Variants in ANKHD1 observed in about 807,000 individuals in gnomAD.
The protein encoded by ANKHD1 is ankyrin repeat and KH domain containing 1, also known as ankyrin repeat and KH domain-containing protein 1.
ANKHD1 carries 31 observed loss-of-function variants against 230.5 expected under a neutral mutation model. The ratio of observed to expected loss-of-function variants is 0.13; its 90% CI spans 0.10 to 0.18. ANKHD1 has a LOEUF of 0.18. ANKHD1 is among the 10% of genes least tolerant of loss of function. The pLI is 1.00. For synonymous variants in ANKHD1, 1,074 were observed against 1,117.6 expected (o/e 0.96, Z 0.78); for missense variants, 2,256 against 3,071.3 (o/e 0.73, Z 6.27).
chr5:140,451,934 G>A (rs1217642506), intron 7 of ANKHD1, among the ~76,000 whole-genome samples: 1 of 152,102 alleles, frequency 6.6e-6, no homozygotes. Context: ...GTCACAACAA[G>A]CATTAAGACC....
At chr5:140,539,203 T>C in intron 33 of ANKHD1, 120 bp downstream of exon 33, 1 of 1,514,240 alleles carries the variant, frequency 6.6e-7, no homozygotes. Flanking sequence ...CTGGATTGCT[T>C]TTTCAATATC....
intron 10 of ANKHD1, among the ~76,000 whole-genome samples, chr5:140,468,259 G>A (rs1431345338): frequency 2.8e-5 from 4 of 142,144 alleles, no homozygotes; most frequent in South Asian, 2.2e-4. Context: ...GCAAGACTCC[G>A]TCTCAAAAAA....
At chr5:140,426,500 T>TTTTA (rs3084523) in intron 1 of ANKHD1, among the ~76,000 whole-genome samples, 3,256 of 151,778 alleles carry the variant, frequency 0.021, 150 homozygotes, top group East Asian at 0.15. Flanking sequence ...CCTTGAACTT[T>TTTTA]TTTATTTATT....
intron 10 of ANKHD1, among the ~76,000 whole-genome samples, chr5:140,469,135 C>A (rs1427742512): frequency 6.6e-6 from 1 of 151,746 alleles, no homozygotes; most frequent in Non-Finnish European, 1.5e-5. Context: ...TCCCACCCTC[C>A]TTCCTTCTTC....
Position 140,438,723 on chromosome 5 carries a change from G to C in ANKHD1, c.617+106G>C, listed in dbSNP as rs188618229. On this transcript the variant is annotated intron_variant, in intron 3 of 33. Coordinates refer to ENST00000360839, the MANE Select transcript of ANKHD1 (RefSeq NM_017747.3). ...CTTTTGGTGGAGCTTATAAACTTTA[G>C]CTGAAAGGATATTACATTTTAAGTG... The C allele has an allele frequency of 7.9e-6, 11 of 1,396,632 alleles. No individual in the cohort carries two copies. In the Admixed American group the frequency reaches 1.6e-4, roughly 20 times the overall value. The allele number at this position is 1,396,632 out of a possible 1,614,324, so 86.5% of individuals were successfully genotyped here.
chr5:140,471,420 G>A (rs1776489238), intron 10 of ANKHD1, among the ~76,000 whole-genome samples: 1 of 152,192 alleles, frequency 6.6e-6, no homozygotes, highest in Non-Finnish European at 1.5e-5. Flanking sequence ...TATTGAAATA[G>A]GGGGTGAAAT....
rs749277304 is a variant in ANKHD1 at position 140,459,274 on chromosome 5, A to G, written c.1591A>G (p.Ile531Val). 1.0e-5 allele frequency: 16 copies of G among 1,603,566 alleles called. No homozygotes were observed. The highest frequency in any genetic ancestry group is 1.4e-5 in the Non-Finnish European group (16 of 1,172,598). The change falls in exon 9 of 34, where the codon ATA becomes GTA. Residue 531 changes from isoleucine to valine, a missense_variant. Ile to Val is a conservative substitution (Grantham distance 29). Around this residue, in one of 13 missense-constraint regions of ANKHD1, gnomAD observed 179 missense variants for 261.8 expected, o/e 0.68. Coordinates refer to ENST00000360839, the MANE Select transcript of ANKHD1 (RefSeq NM_017747.3). ...CTTTCTTATTAAGGCAGGGGCTGATATAGAACTTGGCTGCTCCACACCTCT... is the reference window on the plus strand; with the variant it reads ...CTTTCTTATTAAGGCAGGGGCTGATGTAGAACTTGGCTGCTCCACACCTCT... ...ADFLIKAGAD[I>V]ELGCSTPLME...
chr5:140,425,634 C>A (rs553096425), intron 1 of ANKHD1, among the ~76,000 whole-genome samples: 1 of 152,182 alleles, frequency 6.6e-6, no homozygotes, highest in Admixed American at 6.5e-5. Context: ...GTAGAAAGAA[C>A]CTTGAAAAGC....
At chr5:140,519,089 T>G (rs959366247) in intron 24 of ANKHD1, among the ~76,000 whole-genome samples, 2 of 152,076 alleles carry the variant, frequency 1.3e-5, no homozygotes, top group African/African-American at 4.8e-5. Context: ...TCAGCAAAGT[T>G]TCAGGATACA....
At chr5:140,492,892 A>G (rs1751869665) in intron 14 of ANKHD1, among the ~76,000 whole-genome samples, 1 of 152,206 alleles carries the variant, frequency 6.6e-6, no homozygotes, top group Non-Finnish European at 1.5e-5. Flanking sequence ...TTTGGCAAAT[A>G]CATGTCCACC....
In ANKHD1 at chr5:140,528,165, G is replaced by GTTTTTTT; in HGVS notation, c.5238-14_5238-8dup. The GTTTTTTT allele has an allele frequency of 8.8e-7, 1 of 1,135,214 alleles. No homozygotes were observed. Among genetic ancestry groups the GTTTTTTT allele is most frequent in the Non-Finnish European group, 1.2e-6 (1 of 857,806 alleles). The allele number at this position is 1,135,214 out of a possible 1,614,324, so 70.3% of individuals were successfully genotyped here. ...TTTTAATGTTTTTGGTCTTGTTTCT[G>GTTTTTTT]TTTTTTTTTTTCCCTTAGGGGTGGC... On this transcript the variant is annotated intron_variant, in intron 28 of 33. Transcript: ENST00000360839.
At chr5:140,514,356 T>C (rs1752891763) in intron 24 of ANKHD1, among the ~76,000 whole-genome samples, 1 of 151,472 alleles carries the variant, frequency 6.6e-6, no homozygotes, top group African/African-American at 2.4e-5. Context: ...TAGCCAGGCA[T>C]GGTGGCAGGT....
intron 14 of ANKHD1, among the ~76,000 whole-genome samples, chr5:140,491,852 C>A (rs886290635): frequency 6.6e-6 from 1 of 152,198 alleles, no homozygotes; most frequent in South Asian, 2.1e-4. Context: ...TGTTTAAGTA[C>A]TTATTGAATA....
intron 29 of ANKHD1, among the ~76,000 whole-genome samples, chr5:140,533,934 C>T (rs1263223724): frequency 6.6e-6 from 1 of 152,062 alleles, no homozygotes; most frequent in Non-Finnish European, 1.5e-5. Context: ...CTTTGGTTAG[C>T]ACTAGAAAAT....
intron 24 of ANKHD1, among the ~76,000 whole-genome samples, chr5:140,515,395 A>G (rs1170512469): frequency 6.6e-6 from 1 of 152,184 alleles, no homozygotes; most frequent in Non-Finnish European, 1.5e-5. Context: ...TATTGTTAAG[A>G]TCTGGGTTAC....
chr5:140,530,821 C>T (rs557164849), intron 29 of ANKHD1, among the ~76,000 whole-genome samples: 1 of 152,386 alleles, frequency 6.6e-6, no homozygotes, highest in South Asian at 2.1e-4. Context: ...AAAACTGCCC[C>T]ATATTCCATG....
chr5:140,482,736 C>A (rs1237360821), intron 11 of ANKHD1, 69 bp downstream of exon 11: 3 of 1,541,376 alleles, frequency 1.9e-6, no homozygotes, highest in Non-Finnish European at 2.6e-6. Flanking sequence ...TAAACTGTTG[C>A]AATTTATGTT....
chr5:140,459,607 A>G lies in ANKHD1; in HGVS notation c.1672+252A>G, dbSNP rs947498883. Among the ~76,000 whole-genome samples the G allele has an allele frequency of 3.3e-5, 5 of 152,158 alleles. 1 individual carries two copies. Among genetic ancestry groups the G allele is most frequent in the East Asian group, 3.8e-4 (2 of 5,196 alleles). On this transcript the variant is annotated intron_variant, in intron 9 of 33. Coordinates refer to ENST00000360839, the MANE Select transcript of ANKHD1 (RefSeq NM_017747.3). Reference sequence around the variant, plus strand: ...AGGTGACTACAGTTAACAATAATGTATATCTCAAAATTGCTAAGAGTAGAT... The same window carrying G: ...AGGTGACTACAGTTAACAATAATGTGTATCTCAAAATTGCTAAGAGTAGAT...
chr5:140,439,081 A>ATATC (rs1317692196), intron 3 of ANKHD1, among the ~76,000 whole-genome samples: 4 of 152,124 alleles, frequency 2.6e-5, no homozygotes, highest in Non-Finnish European at 5.9e-5. Flanking sequence ...GCCCTACTCC[A>ATATC]TATCTACTGA....
Sources: allele counts gnomAD v4.1 joint callset (sites outside exome capture counted in the v4.1 genomes callset), GRCh38; gene constraint gnomAD v4.1.1; regional missense constraint gnomAD v4.1.1; transcripts MANE v1.5; gene names NCBI Gene and HGNC (gene_info 2026-07-23, HGNC 2026-07-21).